Variants in UTRN observed in about 807,000 individuals in gnomAD.
The protein encoded by UTRN is dystrophin-related protein 1.
In UTRN, 283 loss-of-function variants were observed where a neutral mutation model predicts 463.9. The ratio of observed to expected loss-of-function variants is 0.61; its 90% confidence interval spans 0.55 to 0.67. UTRN has a LOEUF of 0.67. Among genes scored for constraint, UTRN ranks in the 30% least tolerant of loss-of-function variants. UTRN has a pLI of 0.00. For missense variants in UTRN, 3,922 were observed against 4,084.3 expected, an observed-to-expected ratio of 0.96 and a Z score of 1.08; for synonymous variants, 1,442 against 1,431.5, an observed-to-expected ratio of 1.01 and a Z score of -0.17.
Position 144,839,047 on chromosome 6 carries a change from T to C in UTRN, c.10066-126T>C. The stretch of plus-strand genomic sequence containing the variant: ...CTGATGCTAAAATGTATGGAAAACA[T>C]CTGAAGGCAAAGACTTCTATATGAT... On this transcript the variant is annotated intron_variant, in intron 71 of 74. Coordinates refer to ENST00000367545, the MANE Select transcript of UTRN (RefSeq NM_007124.3). 4.6e-6 allele frequency: 3 copies of C among 650,858 alleles called. No individual in the cohort carries two copies. In the South Asian group the frequency reaches 7.2e-5, roughly 16 times the overall value. The allele number at this position is 650,858 out of a possible 1,614,324, so 40.3% of individuals were successfully genotyped here.
chr6:144,790,586 T>C (rs59006614), intron 62 of UTRN, among the ~76,000 whole-genome samples: 8,510 of 152,286 alleles, frequency 0.056, 601 homozygotes, highest in African/African-American at 0.17. Flanking sequence ...GATAAGGTGC[T>C]ATGACGGAGT....
chr6:144,377,133 GT>G (rs1244468923), intron 2 of UTRN, among the ~76,000 whole-genome samples: 1 of 152,138 alleles, frequency 6.6e-6, no homozygotes, highest in Non-Finnish European at 1.5e-5. Context: ...TACCTTCTGG[GT>G]TCAAGTGATT....
At chr6:144,633,244 T>TC (rs1776723998) in intron 51 of UTRN, among the ~76,000 whole-genome samples, 1 of 150,742 alleles carries the variant, frequency 6.6e-6, no homozygotes, top group Non-Finnish European at 1.5e-5. Context: ...TTTTTTTTTT[T>TC]CCTGAGACGG....
intron 4 of UTRN, among the ~76,000 whole-genome samples, chr6:144,422,691 T>A (rs1464877838): frequency 3.3e-5 from 5 of 152,240 alleles, no homozygotes; most frequent in Non-Finnish European, 7.3e-5. Context: ...ATTTTGTTGA[T>A]TTATTTTTTA....
At chr6:144,796,047 T>G (rs1453586001) in intron 63 of UTRN, among the ~76,000 whole-genome samples, 1 of 152,188 alleles carries the variant, frequency 6.6e-6, no homozygotes, top group Non-Finnish European at 1.5e-5. Flanking sequence ...TGGTTTTAGG[T>G]CTTACATTTA....
At chr6:144,600,413 A>T (rs1031658146) in intron 51 of UTRN, among the ~76,000 whole-genome samples, 3 of 152,246 alleles carry the variant, frequency 2.0e-5, no homozygotes, top group African/African-American at 7.2e-5. Context: ...TACTCCAGTG[A>T]AAACACAAAT....
At chr6:144,552,875 C>A (rs1799048313) in intron 48 of UTRN, among the ~76,000 whole-genome samples, 1 of 152,136 alleles carries the variant, frequency 6.6e-6, no homozygotes, top group Non-Finnish European at 1.5e-5. Flanking sequence ...AACTTTTTAA[C>A]TGACAAGAGA....
chr6:144,523,501 G>C (rs1194539109), intron 41 of UTRN, among the ~76,000 whole-genome samples: 2 of 152,216 alleles, frequency 1.3e-5, no homozygotes, highest in African/African-American at 4.8e-5. Flanking sequence ...GTAGAGATGG[G>C]GTTTCACCAT....
At chr6:144,699,627 G>GA (rs1302832845) in intron 52 of UTRN, among the ~76,000 whole-genome samples, 2 of 149,996 alleles carry the variant, frequency 1.3e-5, no homozygotes, top group Non-Finnish European at 3.0e-5. Flanking sequence ...GATAAAATGA[G>GA]AAAAAAATAT....
rs534183976 is a variant in UTRN at position 144,602,207 on chromosome 6, C to G, written c.7479+24919C>G. Among the ~76,000 whole-genome samples the G allele has an allele frequency of 8.5e-5, 13 of 152,156 alleles. No homozygotes were observed. The South Asian group carries it at 2.7e-3, about 32-fold the overall frequency. On this transcript the variant is annotated intron_variant, in intron 51 of 74. Transcript: ENST00000367545. ...AGTGCAGGGGTACGATCTTGGCTCA[C>G]TGCAACCTCCGCCTCCCAGGTTCAA...
intron 2 of UTRN, among the ~76,000 whole-genome samples, chr6:144,371,876 A>G (rs1489791754): frequency 6.6e-6 from 1 of 152,198 alleles, no homozygotes; most frequent in African/African-American, 2.4e-5. Context: ...GGGGTTGTTG[A>G]CTAAGAAATA....
intron 53 of UTRN, among the ~76,000 whole-genome samples, chr6:144,715,204 A>G (rs1166329559): frequency 6.6e-6 from 1 of 152,146 alleles, no homozygotes; most frequent in African/African-American, 2.4e-5. Context: ...TCTGCATTTC[A>G]GTTGGTAGGA....
chr6:144,816,227 T>A (rs1586690369), intron 65 of UTRN, among the ~76,000 whole-genome samples: 1 of 152,086 alleles, frequency 6.6e-6, no homozygotes. Context: ...AAATGGCAGG[T>A]GTGGAGGAGG....
chr6:144,585,255 A>G (rs1802357880), intron 51 of UTRN, among the ~76,000 whole-genome samples: 1 of 152,144 alleles, frequency 6.6e-6, no homozygotes, highest in Admixed American at 6.5e-5. Flanking sequence ...TACCATGAAA[A>G]TTTAAATGTT....
At chr6:144,566,504 G>A (rs1226774314) in intron 50 of UTRN, among the ~76,000 whole-genome samples, 5 of 152,104 alleles carry the variant, frequency 3.3e-5, no homozygotes, top group Non-Finnish European at 7.3e-5. Flanking sequence ...TTGGAAATGA[G>A]AGGAGAACAG....
chr6:144,847,555 G>C (rs1586816169), intron 74 of UTRN, among the ~76,000 whole-genome samples: 2 of 152,254 alleles, frequency 1.3e-5, no homozygotes, highest in South Asian at 2.1e-4. Flanking sequence ...ATTAAGATAA[G>C]GTATGCCTAG....
chr6:144,303,295 T>A (rs1291305592), intron 2 of UTRN, among the ~76,000 whole-genome samples: 1 of 152,204 alleles, frequency 6.6e-6, no homozygotes, highest in Non-Finnish European at 1.5e-5. Flanking sequence ...TTAGTAACAG[T>A]ATGTTTAAAG....
chr6:144,433,121 A>T (rs1190877535), intron 9 of UTRN, among the ~76,000 whole-genome samples: 2 of 152,104 alleles, frequency 1.3e-5, no homozygotes. Context: ...CGATTTCTCA[A>T]TCTTTTCCCC....
At position 144,543,635 on chromosome 6, in the gene UTRN, C is replaced by T. The variant is rs78501435; in HGVS notation, c.6595+765C>T. Among the ~76,000 whole-genome samples the T allele has an allele frequency of 3.7e-3, 559 of 152,238 alleles. 1 individual carries two copies. The highest frequency in any genetic ancestry group is 0.013 in the African/African-American group (541 of 41,538). On this transcript the variant is annotated intron_variant, in intron 46 of 74. Coordinates refer to ENST00000367545, the MANE Select transcript of UTRN (RefSeq NM_007124.3). Reference sequence around the variant, plus strand: ...CCCTTGTCCTTCTCCTCCTCCTTGACTTCCATGTCCACCTTCTACTTTCTA... The same window carrying T: ...CCCTTGTCCTTCTCCTCCTCCTTGATTTCCATGTCCACCTTCTACTTTCTA...
Sources: allele counts gnomAD v4.1 joint callset (sites outside exome capture counted in the v4.1 genomes callset), GRCh38; gene constraint gnomAD v4.1.1; transcripts MANE v1.5; gene names NCBI Gene and HGNC (gene_info 2026-07-23, HGNC 2026-07-21).